TVP23C: variants seen among roughly 807,000 people sequenced by gnomAD.
TVP23C encodes the protein trans-golgi network vesicle protein 23 homolog C.
Under a neutral mutation model 28.7 loss-of-function variants are expected in TVP23C, and 19 were observed. The ratio of observed to expected loss-of-function variants is 0.66; its 90% CI spans 0.46 to 0.97. TVP23C has a LOEUF of 0.97. Ranked by LOEUF, TVP23C falls within the 50% of genes least tolerant of loss-of-function variation. The probability of loss-of-function intolerance (pLI) is 0.00; values close to 1 mark genes in which losing one functional copy is unlikely to be tolerated. For synonymous variants in TVP23C, 68 were observed against 81.7 expected, an observed-to-expected ratio of 0.83 and a Z score of 0.90; for missense variants, 186 against 241.3, an observed-to-expected ratio of 0.77 and a Z score of 1.52.
At chr17:15,561,622 G>GAATAAATAAATAAATA (rs1406997651) in intron 1 of TVP23C, among the ~76,000 whole-genome samples, 2 of 107,734 alleles carry the variant, frequency 1.9e-5, no homozygotes, top group Non-Finnish European at 4.5e-5. Context: ...ATGAATGAAT[G>GAATAAATAAATAAATA]AATGAATGAA....
intron 5 of TVP23C, chr17:15,530,885 G>A (rs1031385941): frequency 6.6e-6 from 1 of 152,158 alleles, no homozygotes; most frequent in African/African-American, 2.4e-5. Context: ...TGGGACCACA[G>A]GCACATGCCA....
intron 5 of TVP23C, among the ~76,000 whole-genome samples, chr17:15,542,352 T>C (rs1983447902): frequency 6.6e-6 from 1 of 152,194 alleles, no homozygotes; most frequent in South Asian, 2.1e-4. Context: ...GAAGGATCAA[T>C]AATCATGAGA....
intron 5 of TVP23C, among the ~76,000 whole-genome samples, chr17:15,519,587 A>C (rs980993785): frequency 6.6e-6 from 1 of 151,944 alleles, no homozygotes; most frequent in African/African-American, 2.4e-5. Context: ...GTCTTCAAGG[A>C]CTCATTTTTC....
intron 5 of TVP23C, chr17:15,503,453 A>C (rs1981583028): frequency 2.0e-6 from 1 of 495,438 alleles, no homozygotes; most frequent in African/African-American, 1.9e-5. Context: ...AGAACGCCTC[A>C]GTGCTTAGAC....
chr17:15,503,263 C>T, intron 5 of TVP23C: 1 of 1,457,966 alleles, frequency 6.9e-7, no homozygotes, highest in Non-Finnish European at 9.0e-7. Flanking sequence ...ATAAATTAGC[C>T]AGGTGTAGTG....
At chr17:15,528,334 C>T (rs1982811681) in intron 5 of TVP23C, among the ~76,000 whole-genome samples, 1 of 151,656 alleles carries the variant, frequency 6.6e-6, no homozygotes. Flanking sequence ...TTCTAATTTC[C>T]CTTGTGATTT....
intron 1 of TVP23C, among the ~76,000 whole-genome samples, chr17:15,559,313 T>TAAAAAAA (rs56346847): frequency 3.8e-5 from 4 of 105,184 alleles, no homozygotes; most frequent in Admixed American, 1.1e-4. Context: ...GGTACAGATT[T>TAAAAAAA]AAAAAAAAAA....
chr17:15,546,808 C>T (rs1983666041), intron 4 of TVP23C, among the ~76,000 whole-genome samples: 1 of 151,364 alleles, frequency 6.6e-6, no homozygotes. Flanking sequence ...CCCTGACAGG[C>T]AGCTTAGCAC....
intron 4 of TVP23C, among the ~76,000 whole-genome samples, chr17:15,546,149 T>C (rs1438571518): frequency 6.6e-6 from 1 of 152,196 alleles, no homozygotes; most frequent in East Asian, 1.9e-4. Flanking sequence ...CCACAACTCA[T>C]GACAGTAAAG....
intron 5 of TVP23C, chr17:15,506,746 C>T (rs1981765616): frequency 5.3e-6 from 2 of 378,256 alleles, no homozygotes; most frequent in South Asian, 2.2e-5. Context: ...CACATCCGAA[C>T]ATCAGAAGGA....
downstream of TVP23C, among the ~76,000 whole-genome samples, chr17:15,536,828 T>C (rs1368533594): frequency 6.6e-6 from 1 of 151,074 alleles, no homozygotes; most frequent in African/African-American, 2.5e-5. Flanking sequence ...ATATTTTCTC[T>C]AAAAAATACT....
At chr17:15,530,397 A>C (rs1982904970) in intron 5 of TVP23C, among the ~76,000 whole-genome samples, 2 of 152,170 alleles carry the variant, frequency 1.3e-5, no homozygotes, top group South Asian at 4.1e-4. Context: ...TAATTTCAAT[A>C]ATACTCAAAA....
chr17:15,561,218 C>G (rs7210623), intron 1 of TVP23C, among the ~76,000 whole-genome samples: 2 of 152,076 alleles, frequency 1.3e-5, no homozygotes, highest in Non-Finnish European at 2.9e-5. Flanking sequence ...TTGCCTAAGG[C>G]GAGAGGGTGA....
At chr17:15,534,625 A>G (rs1220171545), downstream of TVP23C, among the ~76,000 whole-genome samples, 2 of 150,794 alleles carry the variant, frequency 1.3e-5, no homozygotes, top group African/African-American at 5.0e-5. Flanking sequence ...TTACCTATTT[A>G]GAGGTCTGGG....
At chr17:15,511,317 G>A (rs748511470) in intron 5 of TVP23C, among the ~76,000 whole-genome samples, 1 of 152,120 alleles carries the variant, frequency 6.6e-6, no homozygotes, top group Non-Finnish European at 1.5e-5. Context: ...AGTGCTCAGT[G>A]CCATCAAGAA....
At chr17:15,561,288 C>T (rs973329190) in intron 1 of TVP23C, among the ~76,000 whole-genome samples, 2 of 152,154 alleles carry the variant, frequency 1.3e-5, no homozygotes, top group African/African-American at 2.4e-5. Flanking sequence ...CTGAGGTTCA[C>T]ATCACAAACT....
At chr17:15,506,758 C>G (rs553645541) in intron 5 of TVP23C, 1 of 364,078 alleles carries the variant, frequency 2.7e-6, no homozygotes, top group African/African-American at 2.3e-5. Flanking sequence ...TCAGAAGGAA[C>G]AAACTCCAGA....
At position 15,551,266 on chromosome 17, in the gene TVP23C, T is replaced by C. The variant is rs1451091181; in HGVS notation, c.240+2419A>G. Among the ~76,000 whole-genome samples, 3 of 64,126 alleles carry C rather than the reference T, an allele frequency of 4.7e-5. No individual in the cohort carries two copies. In the East Asian group the frequency reaches 2.9e-3, roughly 63 times the overall value. The allele number at this position is 64,126 out of a possible 152,430, so 42.1% of individuals were successfully genotyped here. A position where few individuals can be genotyped will look rare whatever the true frequency, so the allele number is the denominator to read the frequency against. ...GGCGCCTGCCACCATGCCCGGCTCA[T>C]TTTTTTTTTTTTTTTTTTTTTAGCA... On this transcript the variant is annotated intron_variant, in intron 3 of 5. Coordinates refer to ENST00000518321, the MANE Select transcript of TVP23C (RefSeq NM_001135036.2).
Position 15,537,613 on chromosome 17 carries a change from C to A in TVP23C, c.*2799G>T. ...TGCTTGCATACGTCTAAGAAATTTCCCCATGAAGTACATATTAAAAACTAA... is the reference window on the plus strand; with the variant it reads ...TGCTTGCATACGTCTAAGAAATTTCACCATGAAGTACATATTAAAAACTAA... On this transcript the variant is annotated 3_prime_UTR_variant, in exon 6 of 6. Transcript: ENST00000518321. 3.0e-6 allele frequency: 3 copies of A among 985,348 alleles called. No homozygotes were observed. The highest frequency in any genetic ancestry group is 3.6e-6 in the Non-Finnish European group (3 of 829,848). 61.0% of individuals were successfully genotyped at this position (985,348 alleles called of 1,614,324 possible).
Sources: gnomAD v4.1 joint callset for allele counts (sites outside exome capture counted in the v4.1 genomes callset) on GRCh38, gnomAD v4.1.1 for gene constraint, MANE v1.5 for transcripts, NCBI Gene and HGNC (gene_info 2026-07-23, HGNC 2026-07-21) for gene names.